ZNF568: variants seen among roughly 807,000 people sequenced by gnomAD.
ZNF568 encodes the protein p53 inhibitor of SCO2 activation.
In ZNF568, 11 loss-of-function variants were observed where a neutral mutation model predicts 18.1. The ratio of observed to expected loss-of-function variants is 0.61; its 90% CI spans 0.38 to 1.00. ZNF568 has a LOEUF of 1.00. ZNF568 is among the 50% of genes least tolerant of loss of function. The pLI is 0.01. For synonymous variants in ZNF568, 213 were observed against 246.6 expected (o/e 0.86, Z 1.28); for missense variants, 639 against 768.2 (o/e 0.83, Z 1.99).
At chr19:36,992,196 T>TTG (rs2074430714) in intron 4 of ZNF568, among the ~76,000 whole-genome samples, 1 of 148,512 alleles carries the variant, frequency 6.7e-6, no homozygotes, top group African/African-American at 2.5e-5. Context: ...TGAGCCAAGA[T>TTG]TGTACCACTA....
At position 36,922,865 on chromosome 19, in the gene ZNF568, G is replaced by A; in HGVS notation, c.76+19G>A. ...AGGAAAGGTGAGGTGGCTCATAGGT[G>A]GACAGAGCTTAGGAGAGAAAGGCTC... On this transcript the variant is annotated intron_variant, in intron 3 of 6. Transcript: ENST00000333987. 1.2e-6 allele frequency: 2 copies of A among 1,611,730 alleles called. No individual in the cohort carries two copies. Among genetic ancestry groups the A allele is most frequent in the Non-Finnish European group, 1.7e-6 (2 of 1,178,174 alleles).
intron 6 of ZNF568, among the ~76,000 whole-genome samples, chr19:36,966,978 TA>T (rs1349606625): frequency 3.3e-5 from 5 of 152,022 alleles, no homozygotes; most frequent in Admixed American, 3.3e-4. Flanking sequence ...CAATGGGGAG[TA>T]ATTTCCTGTA....
downstream of ZNF568, among the ~76,000 whole-genome samples, chr19:36,981,298 C>A (rs2074329382): frequency 6.6e-6 from 1 of 152,134 alleles, no homozygotes; most frequent in Non-Finnish European, 1.5e-5. Flanking sequence ...AAGGTCTTAG[C>A]TGTTCCTAGG....
chr19:36,959,379 A>G (rs2074131303), intron 6 of ZNF568, among the ~76,000 whole-genome samples: 2 of 152,074 alleles, frequency 1.3e-5, no homozygotes, highest in African/African-American at 2.4e-5. Context: ...ATTGTGGTGT[A>G]TTATCATTTT....
intron 4 of ZNF568, 67 bp from the exon 5 acceptor site, chr19:36,936,679 C>A (rs2073795376): frequency 6.6e-7 from 1 of 1,512,990 alleles, no homozygotes; most frequent in Non-Finnish European, 9.0e-7. Context: ...TAAACAAGTT[C>A]TTGTATGTTG....
chr19:36,962,458 A>G (rs2074162583), intron 6 of ZNF568, among the ~76,000 whole-genome samples: 2 of 150,860 alleles, frequency 1.3e-5, no homozygotes, highest in African/African-American at 4.9e-5. Flanking sequence ...CCCGTGCCTC[A>G]GCCTCCCAAG....
exon 8 of ZNF568, chr19:36,979,861 G>C (rs757465797): frequency 6.6e-6 from 1 of 151,886 alleles, no homozygotes; most frequent in Admixed American, 6.6e-5. Flanking sequence ...CTTTTACTTC[G>C]TATCCTCACC....
chr19:36,922,904 A>G, intron 3 of ZNF568, 58 bp downstream of exon 3: 1 of 1,519,102 alleles, frequency 6.6e-7, no homozygotes, highest in Non-Finnish European at 9.1e-7. Context: ...ATTTGGGGAC[A>G]GTGAAAAGAA....
At position 36,952,286 on chromosome 19, in the gene ZNF568, A is replaced by T. The variant is rs1480163761; in HGVS notation, c.*1198A>T. On this transcript the variant is annotated 3_prime_UTR_variant, in exon 7 of 7. Coordinates refer to ENST00000333987, the MANE Select transcript of ZNF568 (RefSeq NM_198539.4). ...AGCAAGACCCCATCTCTTAAAAAAA[A>T]AGAAATATATAGACATATATCTGCA... is the stretch of plus-strand genomic sequence containing the variant. 1 of 154,850 alleles carries T rather than the reference A, an allele frequency of 6.5e-6. No homozygotes were observed. The highest frequency in any genetic ancestry group is 2.4e-5 in the African/African-American group (1 of 41,460). The allele number at this position is 154,850 out of a possible 1,614,324, so 9.6% of individuals were successfully genotyped here.
At position 36,949,729 on chromosome 19, in the gene ZNF568, T is replaced by C; in HGVS notation, c.576T>C (p.Leu192=). Reference sequence around the variant, plus strand: ...GTTTGGAACATAATTTAGACTTACTTAGATATGAGAAAGGCTGTGTAAGAG... The same window carrying C: ...GTTTGGAACATAATTTAGACTTACTCAGATATGAGAAAGGCTGTGTAAGAG... ...DKGLEHNLDL[L]RYEKGCVREK... is the part of the protein sequence containing the mutation. The change falls in exon 7 of 7, where the codon CTT becomes CTC. Residue 192 remains leucine (L), a synonymous_variant. Transcript: ENST00000333987. 4 of 1,613,954 alleles carry C rather than the reference T, an allele frequency of 2.5e-6. No homozygotes were observed. Among genetic ancestry groups the C allele is most frequent in the Non-Finnish European group, 1.7e-6 (2 of 1,179,884 alleles).
chr19:36,933,924 G>GTTTTTTTTTTTTTTTTTTTTTTTTTTTTT (rs140279289), intron 4 of ZNF568, among the ~76,000 whole-genome samples: 6 of 29,916 alleles, frequency 2.0e-4, no homozygotes, highest in Admixed American at 3.6e-4. Context: ...TTGTTTTTTT[G>GTTTTTTTTTTTTTTTTTTTTTTTTTTTTT]TTTTTTTTTT....
intron 4 of ZNF568, among the ~76,000 whole-genome samples, chr19:36,992,613 T>G (rs932321738): frequency 6.6e-6 from 1 of 152,362 alleles, no homozygotes; most frequent in Middle Eastern, 3.4e-3. Context: ...TTTCTTTCCC[T>G]GTGACAACCA....
intron 4 of ZNF568, among the ~76,000 whole-genome samples, chr19:36,931,390 G>A (rs2073683710): frequency 6.6e-6 from 1 of 152,068 alleles, no homozygotes; most frequent in African/African-American, 2.4e-5. Context: ...ATTATTTTTT[G>A]TTGAGTTTGT....
Position 36,949,611 on chromosome 19 carries a change from T to C in ZNF568, c.458T>C (p.Ile153Thr), listed in dbSNP as rs776659019. ...AAAATTCTGATAAAGGAAAAAGTCATTGAATGTAAAAAAGTTGCGAAAATA... is the reference window on the plus strand; with the variant it reads ...AAAATTCTGATAAAGGAAAAAGTCACTGAATGTAAAAAAGTTGCGAAAATA... ...SKKILIKEKV[I>T]ECKKVAKIFP... is the part of the protein sequence containing the mutation. The change falls in exon 7 of 7, where the codon ATT (isoleucine) becomes ACT (threonine). Residue 153 changes from isoleucine to threonine, a missense_variant. By Grantham distance (89) the Ile-to-Thr change is moderately conservative. Coordinates refer to ENST00000333987, the MANE Select transcript of ZNF568 (RefSeq NM_198539.4). 6.2e-6 allele frequency: 10 copies of C among 1,613,642 alleles called. 1 individual carries two copies. Among genetic ancestry groups the C allele is most frequent in the East Asian group, 4.5e-5 (2 of 44,804 alleles).
intron 6 of ZNF568, among the ~76,000 whole-genome samples, chr19:36,940,145 C>T (rs1012036457): frequency 1.3e-5 from 2 of 152,128 alleles, no homozygotes; most frequent in Non-Finnish European, 2.9e-5. Flanking sequence ...CTCAGAGTAC[C>T]TTCATGCTAT....
chr19:36,977,248 A>G (rs2074293298), intron 7 of ZNF568, among the ~76,000 whole-genome samples: 1 of 152,172 alleles, frequency 6.6e-6, no homozygotes, highest in Non-Finnish European at 1.5e-5. Context: ...TCTTTTATCC[A>G]AACAATCTAG....
At chr19:36,997,207 C>T in exon 5 of ZNF568, 1 of 1,608,200 alleles carries the variant, frequency 6.2e-7, no homozygotes, top group Non-Finnish European at 8.5e-7. Context: ...TGGTGAGAAA[C>T]CCCATGAATG....
At chr19:36,963,435 A>C (rs966210637) in intron 6 of ZNF568, among the ~76,000 whole-genome samples, 1 of 152,220 alleles carries the variant, frequency 6.6e-6, no homozygotes, top group African/African-American at 2.4e-5. Flanking sequence ...GCAAAGCCTC[A>C]ACAGCTGCTC....
chr19:36,987,851 T>TGTGTGTGTGTGTGTGTGTGTGTG (rs1568408488), intron 2 of ZNF568, among the ~76,000 whole-genome samples: 3 of 147,284 alleles, frequency 2.0e-5, no homozygotes, highest in African/African-American at 5.0e-5. Context: ...TGTGTGTGTG[T>TGTGTGTGTGTGTGTGTGTGTGTG]TGGGGTACCA....
Sources: gnomAD v4.1 joint callset for allele counts (sites outside exome capture counted in the v4.1 genomes callset) on GRCh38, gnomAD v4.1.1 for gene constraint, MANE v1.5 for transcripts, NCBI Gene and HGNC (gene_info 2026-07-23, HGNC 2026-07-21) for gene names.